Variants in VPS13D observed in about 807,000 individuals in gnomAD.
The protein encoded by VPS13D is intermembrane lipid transfer protein VPS13D.
Under a neutral mutation model 461.9 loss-of-function variants are expected in VPS13D, and 187 were observed. The observed-to-expected ratio is 0.40, with a 90% CI of 0.36 to 0.46. The LOEUF is 0.46. VPS13D is among the 20% of genes least tolerant of loss of function. The pLI is 0.60. For synonymous variants in VPS13D, 1,951 were observed against 1,986.3 expected (o/e 0.98, Z 0.47); for missense variants, 4,711 against 5,364.9 (o/e 0.88, Z 3.81).
At chr1:12,379,426 C>A in intron 56 of VPS13D, 62 bp from the exon 57 acceptor site, 1 of 1,466,630 alleles carries the variant, frequency 6.8e-7, no homozygotes, top group South Asian at 1.2e-5. Context: ...CCTCATGTTC[C>A]CTTCAGGCGT....
intron 47 of VPS13D, among the ~76,000 whole-genome samples, chr1:12,355,128 A>G (rs1643874492): frequency 6.6e-6 from 1 of 152,222 alleles, no homozygotes; most frequent in Non-Finnish European, 1.5e-5. Context: ...AATACTCAGC[A>G]GTGTATGAGT....
intron 65 of VPS13D, among the ~76,000 whole-genome samples, chr1:12,421,511 A>G (rs935411035): frequency 3.9e-5 from 6 of 152,194 alleles, no homozygotes; most frequent in African/African-American, 1.4e-4. Context: ...AGGGCCCCCT[A>G]TTGATGAAAT....
At chr1:12,457,654 A>G (rs1458806313) in intron 66 of VPS13D, among the ~76,000 whole-genome samples, 1 of 152,238 alleles carries the variant, frequency 6.6e-6, no homozygotes, top group Non-Finnish European at 1.5e-5. Context: ...GAAGGAATAT[A>G]GACAGTAAAA....
chr1:12,241,206 G>A (rs1640344978), intron 2 of VPS13D, among the ~76,000 whole-genome samples: 2 of 152,198 alleles, frequency 1.3e-5, no homozygotes, highest in Non-Finnish European at 1.5e-5. Context: ...GCCTCCCAAA[G>A]TGCTGGGATT....
chr1:12,499,474 G>A, intron 68 of VPS13D: 1 of 985,340 alleles, frequency 1.0e-6, no homozygotes, highest in Non-Finnish European at 1.2e-6. Context: ...AAATTTGTTT[G>A]CAATAGAAGA....
At chr1:12,425,522 G>A (rs964401296) in intron 65 of VPS13D, among the ~76,000 whole-genome samples, 2 of 151,584 alleles carry the variant, frequency 1.3e-5, no homozygotes, top group Non-Finnish European at 2.9e-5. Flanking sequence ...TTGTGCCACT[G>A]CACTCCAGCC....
chr1:12,283,859 C>T (rs1641885583), intron 21 of VPS13D, 123 bp downstream of exon 21: 2 of 1,027,736 alleles, frequency 1.9e-6, no homozygotes, highest in African/African-American at 1.6e-5. Flanking sequence ...GCTATCTAGT[C>T]TTCTAGGTGT....
intron 67 of VPS13D, among the ~76,000 whole-genome samples, chr1:12,472,602 G>C (rs1220930160): frequency 3.9e-5 from 6 of 152,096 alleles, no homozygotes; most frequent in Non-Finnish European, 8.8e-5. Flanking sequence ...CTAAAATATT[G>C]TTGACACCTT....
chr1:12,308,653 T>G lies in VPS13D; in HGVS notation c.6650+12T>G, dbSNP rs1458939110. 5 of 1,611,282 alleles carry G rather than the reference T, an allele frequency of 3.1e-6. No individual in the cohort carries two copies. The highest frequency in any genetic ancestry group is 4.2e-6 in the Non-Finnish European group (5 of 1,178,788). On this transcript the variant is annotated intron_variant, in intron 27 of 69. Coordinates refer to ENST00000620676, the MANE Select transcript of VPS13D (RefSeq NM_015378.4). ...AGGAATTTGGACAAGTGAGTGTTTT[T>G]TTTTTTTTTTGAGATGGAGTCTCGC...
chr1:12,500,297 G>T (rs1382261098), intron 68 of VPS13D: 1 of 891,594 alleles, frequency 1.1e-6, no homozygotes. Flanking sequence ...TTGCACAATT[G>T]TCATTGCTTC....
Position 12,507,790 on chromosome 1 carries a change from C to T in VPS13D, c.13035+697C>T, listed in dbSNP as rs982672368. Among the ~76,000 whole-genome samples, 1 of 152,232 alleles carries T rather than the reference C, an allele frequency of 6.6e-6. No individual in the cohort carries two copies. The highest frequency in any genetic ancestry group is 2.4e-5 in the African/African-American group (1 of 41,452). ...CGGGGTTCAAATCCGAGTGGCTTGG[C>T]ACCAGAGCTGGCTGCAGAGCCTCTT... On this transcript the variant is annotated intron_variant, in intron 69 of 69. Coordinates refer to ENST00000620676, the MANE Select transcript of VPS13D (RefSeq NM_015378.4). This position sits in a 1 kb window ranked among gnomAD's most constrained non-coding sequence, Gnocchi z 5.3.
chr1:12,475,233 A>G (rs1645614886), intron 67 of VPS13D, among the ~76,000 whole-genome samples: 1 of 152,202 alleles, frequency 6.6e-6, no homozygotes, highest in African/African-American at 2.4e-5. Flanking sequence ...CCCTGACTCC[A>G]GCTCTGATGC....
intron 18 of VPS13D, 64 bp from the exon 19 acceptor site, chr1:12,275,761 A>G: frequency 6.8e-7 from 1 of 1,475,614 alleles, no homozygotes; most frequent in Non-Finnish European, 9.0e-7. Context: ...CATAATTATT[A>G]CATTAAGGGA....
chr1:12,258,471 C>T (rs1183907158), intron 10 of VPS13D, among the ~76,000 whole-genome samples: 1 of 152,188 alleles, frequency 6.6e-6, no homozygotes, highest in Non-Finnish European at 1.5e-5. Context: ...TGAACTTTGG[C>T]CTACGTTTTC....
At position 12,276,233 on chromosome 1, in the gene VPS13D, T is replaced by G; in HGVS notation, c.2645T>G (p.Leu882Ter). ...GTGCTCTCAGGCAACTTACCAGACT[T>G]AAAAATCCACATTAATGAAGATAAA... ...GAVLSGNLPD[L>*]KIHINEDKIS... The change falls in exon 19 of 70, where the codon TTA (leucine) becomes TGA (stop). Residue 882 changes from leucine to a stop codon, truncating the protein, a stop_gained. Coordinates refer to ENST00000620676, the MANE Select transcript of VPS13D (RefSeq NM_015378.4). LOFTEE classifies it high-confidence loss of function. This position sits in a 1 kb window ranked among gnomAD's most constrained non-coding sequence, Gnocchi z 4.5. The G allele has an allele frequency of 6.2e-7, 1 of 1,613,932 alleles. No homozygotes were observed. The highest frequency in any genetic ancestry group is 8.5e-7 in the Non-Finnish European group (1 of 1,179,996).
At chr1:12,457,890 G>A (rs1021114163) in intron 66 of VPS13D, among the ~76,000 whole-genome samples, 2 of 152,192 alleles carry the variant, frequency 1.3e-5, no homozygotes, top group Admixed American at 6.5e-5. Context: ...TGGGGTTAAG[G>A]TTTAATCATT....
Position 12,273,110 on chromosome 1 carries a change from A to C in VPS13D, c.2211A>C (p.Gly737=). The change falls in exon 18 of 70, where the codon GGA becomes GGC. Residue 737 remains glycine (G), a synonymous_variant. Coordinates refer to ENST00000620676, the MANE Select transcript of VPS13D (RefSeq NM_015378.4). ...KNPVLVVVDL[G]RMLLTNTQDN... Reference sequence around the variant, plus strand: ...CTGTGTTAGTTGTCGTGGATCTAGGAAGAATGCTTTTGACGAACACCCAAG... The same window carrying C: ...CTGTGTTAGTTGTCGTGGATCTAGGCAGAATGCTTTTGACGAACACCCAAG... 1 of 1,614,146 alleles carries C rather than the reference A, an allele frequency of 6.2e-7. No homozygotes were observed. The highest frequency in any genetic ancestry group is 8.5e-7 in the Non-Finnish European group (1 of 1,180,002).
Position 12,385,771 on chromosome 1 carries a change from G to A in VPS13D, c.11484+398G>A, listed in dbSNP as rs373079077. On this transcript the variant is annotated intron_variant, in intron 59 of 69. Transcript: ENST00000620676. Reference sequence around the variant, plus strand: ...ACATGAAAAAGTATATTTATCTGACGTTTATTCAGTGATTTTTGAAAAAAT... The same window carrying A: ...ACATGAAAAAGTATATTTATCTGACATTTATTCAGTGATTTTTGAAAAAAT... Among the ~76,000 whole-genome samples, 39 of 152,252 alleles carry A rather than the reference G, an allele frequency of 2.6e-4. No homozygotes were observed. In the South Asian group the frequency reaches 8.1e-3, roughly 32 times the overall value.
At chr1:12,323,264 C>T (rs868137820) in intron 34 of VPS13D, among the ~76,000 whole-genome samples, 5 of 151,354 alleles carry the variant, frequency 3.3e-5, no homozygotes, top group South Asian at 2.1e-4. Context: ...TTTTTAGAGA[C>T]GGGGTCTTGC....
Sources: allele counts gnomAD v4.1 joint callset (sites outside exome capture counted in the v4.1 genomes callset), GRCh38; gene constraint gnomAD v4.1.1; non-coding constraint Gnocchi (gnomAD v3.1); transcripts MANE v1.5; gene names NCBI Gene and HGNC (gene_info 2026-07-23, HGNC 2026-07-21).